Variants in PPP6R2 observed in about 807,000 individuals in gnomAD.
PPP6R2 encodes serine/threonine-protein phosphatase 6 regulatory subunit 2.
In PPP6R2, 62 loss-of-function variants were observed where a neutral mutation model predicts 100.2. The observed-to-expected ratio is 0.62, with a 90% CI of 0.50 to 0.76. PPP6R2 has a LOEUF of 0.76. Ranked by LOEUF, PPP6R2 falls within the 30% of genes least tolerant of loss-of-function variation. The pLI, the probability that PPP6R2 is intolerant of heterozygous loss-of-function variation, is 0.00. For synonymous variants in PPP6R2, 525 were observed against 514.7 expected (o/e 1.02, Z -0.27); for missense variants, 1,142 against 1,276.3 (o/e 0.89, Z 1.60).
intron 14 of PPP6R2, among the ~76,000 whole-genome samples, 186 bp from the exon 15 acceptor site, chr22:50,436,802 C>T (rs116680783): frequency 1.5e-3 from 228 of 152,344 alleles, no homozygotes; most frequent in African/African-American, 5.2e-3. Flanking sequence ...CGGGCTGTCA[C>T]GGGGCCTTGG....
At chr22:50,376,085 T>C (rs1384981361) in intron 2 of PPP6R2, among the ~76,000 whole-genome samples, 1 of 151,788 alleles carries the variant, frequency 6.6e-6, no homozygotes, top group Non-Finnish European at 1.5e-5. Context: ...CGCCTGCAGA[T>C]ATTTTTTAAA....
rs1227055584 is a variant in PPP6R2 at position 50,432,262 on chromosome 22, C to T, written c.1336-3C>T. The T allele has an allele frequency of 9.7e-6, 15 of 1,549,744 alleles. No individual in the cohort carries two copies. The Admixed American group carries it at 9.8e-5, about 10-fold the overall frequency. ...CACGCTGTCCCCCTGCCCCGCCCCC[C>T]AGCTGTTCCAGAAGTGCTGCCTGGT... On this transcript the variant is annotated splice_region_variant and splice_polypyrimidine_tract_variant and intron_variant, in intron 11 of 23. Coordinates refer to ENST00000612753, the MANE Select transcript of PPP6R2 (RefSeq NM_001242898.2).
At chr22:50,434,432 G>A (rs1369120193) in intron 12 of PPP6R2, among the ~76,000 whole-genome samples, 1 of 77,514 alleles carries the variant, frequency 1.3e-5, no homozygotes, top group Non-Finnish European at 2.4e-5. Flanking sequence ...GGCAGGGGCC[G>A]GGCATTTGCT....
intron 3 of PPP6R2, 45 bp from the exon 4 acceptor site, chr22:50,406,644 G>A (rs2059000714): frequency 6.4e-7 from 1 of 1,559,408 alleles, no homozygotes; most frequent in Non-Finnish European, 8.8e-7. Context: ...CTAAGAGTTG[G>A]AGAAGTCTAA....
At chr22:50,436,934 G>C in intron 14 of PPP6R2, 54 bp from the exon 15 acceptor site, 7 of 1,451,270 alleles carry the variant, frequency 4.8e-6, no homozygotes, top group Non-Finnish European at 6.6e-6. Flanking sequence ...GGCTGGGTGG[G>C]GTCTGGGGCG....
chr22:50,359,069 C>T (rs991267629), intron 1 of PPP6R2, among the ~76,000 whole-genome samples: 9 of 145,222 alleles, frequency 6.2e-5, no homozygotes, highest in African/African-American at 2.2e-4. Flanking sequence ...GCGCGATCTC[C>T]ACTCACTGCA....
intron 10 of PPP6R2, among the ~76,000 whole-genome samples, chr22:50,430,774 T>A (rs1304584701): frequency 6.7e-6 from 1 of 148,280 alleles, no homozygotes; most frequent in East Asian, 2.0e-4. Flanking sequence ...CCAGGGAGGC[T>A]GAGGCAGGAG....
chr22:50,443,925 C>T lies in PPP6R2; in HGVS notation c.2639C>T (p.Thr880Ile). Residue 880 changes from threonine (T) to isoleucine (I), a missense_variant, in exon 23 of 24, where the codon ACT (threonine) becomes ATT (isoleucine). Physicochemically the swap from Thr to Ile is moderately conservative, Grantham distance 89. Coordinates refer to ENST00000612753, the MANE Select transcript of PPP6R2 (RefSeq NM_001242898.2). Reference sequence around the variant, plus strand: ...GCCTGCCCCGCGCCAAAGGAAGTGACTGCTGCCCCAGCCGTGGCTGTGCCC... The same window carrying T: ...GCCTGCCCCGCGCCAAAGGAAGTGATTGCTGCCCCAGCCGTGGCTGTGCCC... ...SPACPAPKEV[T>I]AAPAVAVPPE... The T allele has an allele frequency of 2.5e-6, 4 of 1,603,224 alleles. No homozygotes were observed. The highest frequency in any genetic ancestry group is 3.4e-6 in the Non-Finnish European group (4 of 1,175,342).
chr22:50,443,299 A>C (rs974026364), intron 22 of PPP6R2: 1 of 153,446 alleles, frequency 6.5e-6, no homozygotes, highest in Non-Finnish European at 1.5e-5. Context: ...CCCTGCCTGC[A>C]CCGTCGTCAC....
chr22:50,338,888 G>C (rs1278283295), upstream of PPP6R2, among the ~76,000 whole-genome samples: 2 of 134,488 alleles, frequency 1.5e-5, no homozygotes, highest in Non-Finnish European at 3.1e-5. Context: ...TGTGTGTTAT[G>C]TGGGGTATGT....
intron 3 of PPP6R2, among the ~76,000 whole-genome samples, chr22:50,398,138 G>A (rs2148985743): frequency 6.6e-6 from 1 of 151,688 alleles, no homozygotes; most frequent in East Asian, 1.9e-4. Flanking sequence ...TTGAAGACCA[G>A]CCTGGGCAAT....
chr22:50,437,734 T>C, intron 16 of PPP6R2, 109 bp from the exon 17 acceptor site: 1 of 1,403,408 alleles, frequency 7.1e-7, no homozygotes, highest in Non-Finnish European at 9.9e-7. Flanking sequence ...GTGTTCCCAG[T>C]TGTGTGAGGG....
intron 1 of PPP6R2, among the ~76,000 whole-genome samples, chr22:50,347,726 AC>A (rs1449586533): frequency 6.6e-6 from 1 of 151,400 alleles, no homozygotes; most frequent in Non-Finnish European, 1.5e-5. Flanking sequence ...TTTGTTCTAG[AC>A]CCTTCTCCTG....
chr22:50,437,087 C>T lies in PPP6R2; in HGVS notation c.1683+19C>T, dbSNP rs1159524244. On this transcript the variant is annotated intron_variant, in intron 15 of 23. Transcript: ENST00000612753. ...TCAGCAGGTGAGGGCGTGGCCGGCA[C>T]CTGCACCCTGCCGGGCCCTTCCCGG... is the stretch of plus-strand genomic sequence containing the variant. The T allele has an allele frequency of 1.3e-6, 2 of 1,549,138 alleles. No individual in the cohort carries two copies. The highest frequency in any genetic ancestry group is 2.4e-5 in the East Asian group (1 of 41,128).
At position 50,353,375 on chromosome 22, in the gene PPP6R2, G is replaced by C. The variant is rs190643066; in HGVS notation, c.-148+9825G>C. Among the ~76,000 whole-genome samples, 541 of 152,284 alleles carry C rather than the reference G, an allele frequency of 3.6e-3. 4 individuals carry two copies. The highest frequency in any genetic ancestry group is 6.8e-3 in the Middle Eastern group (2 of 294). The stretch of plus-strand genomic sequence containing the variant: ...CAGGGAGTAGGGAGCCCTGAGGAGA[G>C]GGGGAGAGACTCAGGGAAATGGCCG... On this transcript the variant is annotated intron_variant, in intron 1 of 23. Transcript: ENST00000612753.
upstream of PPP6R2, among the ~76,000 whole-genome samples, chr22:50,339,820 G>GT (rs2042350553): frequency 1.2e-5 from 1 of 86,164 alleles, no homozygotes; most frequent in Non-Finnish European, 2.2e-5. Context: ...GTGGTGTGTG[G>GT]GGTATGTAGT....
At chr22:50,400,146 G>A (rs1219537361) in intron 3 of PPP6R2, among the ~76,000 whole-genome samples, 1 of 152,200 alleles carries the variant, frequency 6.6e-6, no homozygotes, top group Admixed American at 6.5e-5. Flanking sequence ...ACCCCCTGCC[G>A]CAGAGAGACT....
chr22:50,409,060 G>A (rs1410111568), intron 4 of PPP6R2, among the ~76,000 whole-genome samples: 1 of 152,214 alleles, frequency 6.6e-6, no homozygotes, highest in African/African-American at 2.4e-5. Context: ...GTTGCAGTGA[G>A]CTGAGATTGC....
intron 5 of PPP6R2, among the ~76,000 whole-genome samples, chr22:50,415,337 AC>A (rs2060384637): frequency 1.3e-5 from 2 of 152,172 alleles, no homozygotes; most frequent in African/African-American, 4.8e-5. Context: ...TCATCCGATG[AC>A]CACTCTCACT....
Sources: allele counts gnomAD v4.1 joint callset (sites outside exome capture counted in the v4.1 genomes callset), GRCh38; gene constraint gnomAD v4.1.1; transcripts MANE v1.5; gene names NCBI Gene and HGNC (gene_info 2026-07-23, HGNC 2026-07-21).